The following XIRP2 variants were observed in gnomAD, a reference collection of about 807,000 sequenced individuals.
XIRP2 encodes the protein xin actin binding repeat containing 2, also known as xin actin-binding repeat-containing protein 2.
In XIRP2, 236 loss-of-function variants were observed where a neutral mutation model predicts 277.0. The observed-to-expected ratio is 0.85, with a 90% CI of 0.77 to 0.95. XIRP2 has a LOEUF of 0.95. Among genes scored for constraint, XIRP2 ranks in the 40% least tolerant of loss-of-function variants. The pLI, the probability that XIRP2 is intolerant of heterozygous loss-of-function variation, is 0.00. For missense variants in XIRP2, 4,640 were observed against 4,157.5 expected (o/e 1.12, Z -3.19); for synonymous variants, 1,490 against 1,416.5 (o/e 1.05, Z -1.17).
chr2:167,256,159 A>G (rs952781787), intron 10 of XIRP2, among the ~76,000 whole-genome samples: 3 of 151,554 alleles, frequency 2.0e-5, no homozygotes, highest in African/African-American at 7.3e-5. Flanking sequence ...GCTTTTTTGT[A>G]TCAAGAAAGT....
chr2:166,944,047 G>C (rs1032804441), intron 2 of XIRP2, among the ~76,000 whole-genome samples: 9 of 152,174 alleles, frequency 5.9e-5, no homozygotes, highest in Admixed American at 6.6e-5. Context: ...TTGACCCTCT[G>C]AATTGTTTCC....
rs765756165 is a variant in XIRP2 at position 167,245,812 on chromosome 2, A to G, written c.4420A>G (p.Ile1474Val). 4 of 1,613,648 alleles carry G rather than the reference A, an allele frequency of 2.5e-6. No individual in the cohort carries two copies. The African/African-American group carries it at 4.0e-5, about 16-fold the overall frequency. Reference sequence around the variant, plus strand: ...AGGAGAAGGGTTAGAATATGAAAATATCAAGACAGTCACTCAGGAAGATGT... The same window carrying G: ...AGGAGAAGGGTTAGAATATGAAAATGTCAAGACAGTCACTCAGGAAGATGT... ...LRGEGLEYEN[I>V]KTVTQEDVQK... Residue 1474 changes from isoleucine to valine, a missense_variant, in exon 9 of 11, where the codon ATC (isoleucine) becomes GTC (valine). Coordinates refer to ENST00000409195, the MANE Select transcript of XIRP2 (RefSeq NM_152381.6).
chr2:167,128,144 A>G (rs1691263801), intron 2 of XIRP2, among the ~76,000 whole-genome samples: 1 of 152,178 alleles, frequency 6.6e-6, no homozygotes, highest in African/African-American at 2.4e-5. Context: ...CTCCCTCACT[A>G]CTTTTATCCT....
At chr2:166,926,937 A>G (rs1326664146) in intron 2 of XIRP2, among the ~76,000 whole-genome samples, 1 of 152,110 alleles carries the variant, frequency 6.6e-6, no homozygotes, top group Admixed American at 6.6e-5. Context: ...GCTTATTTTA[A>G]ATAGTCAACT....
At chr2:166,950,651 A>G (rs922135788) in intron 2 of XIRP2, among the ~76,000 whole-genome samples, 2 of 152,102 alleles carry the variant, frequency 1.3e-5, no homozygotes, top group African/African-American at 2.4e-5. Context: ...ACTGCCCTTC[A>G]CTGAATTTCA....
intron 2 of XIRP2, among the ~76,000 whole-genome samples, chr2:166,977,556 T>A (rs80284066): frequency 0.034 from 5,109 of 152,300 alleles, 108 homozygotes; most frequent in East Asian, 0.079. Context: ...ACCCTTCAGT[T>A]CACTTTATAT....
chr2:167,011,594 G>A (rs1186214635), intron 2 of XIRP2, among the ~76,000 whole-genome samples: 1 of 152,036 alleles, frequency 6.6e-6, no homozygotes, highest in Non-Finnish European at 1.5e-5. Flanking sequence ...CATAACATGA[G>A]TTAGGGAGGA....
intron 3 of XIRP2, among the ~76,000 whole-genome samples, chr2:167,155,855 C>G (rs1369707497): frequency 3.3e-5 from 5 of 151,740 alleles, no homozygotes; most frequent in South Asian, 2.1e-4. Flanking sequence ...ACCCCATTGT[C>G]TCAGCCCAAA....
Position 166,945,329 on chromosome 2 carries a change from A to G in XIRP2, c.408+41439A>G, listed in dbSNP as rs565185589. Among the ~76,000 whole-genome samples the G allele has an allele frequency of 1.4e-4, 22 of 152,204 alleles. No individual in the cohort carries two copies. In the South Asian group the frequency reaches 4.1e-3, roughly 29 times the overall value. ...TGTTAAAGCATAAAAATAGGAGTGT[A>G]TGTCTTACAGGAATCTCCAAATCCG... On this transcript the variant is annotated intron_variant, in intron 2 of 10. Coordinates refer to ENST00000409195, the MANE Select transcript of XIRP2 (RefSeq NM_152381.6).
In XIRP2 at chr2:167,250,592, G is replaced by C. The variant is rs1460426414; in HGVS notation, c.9200G>C (p.Ser3067Thr). The C allele has an allele frequency of 5.0e-6, 8 of 1,613,412 alleles. No homozygotes were observed. The East Asian group carries it at 1.8e-4, about 36-fold the overall frequency. ...GTTCATGTCAGCAATAATAAAAATA[G>C]TGAACAGAAAGAAAATAAAATTGCC... ...SNVHVSNNKN[S>T]EQKENKIAKE... is the part of the protein sequence containing the mutation. Residue 3067 changes from serine (S) to threonine (T), a missense_variant, in exon 9 of 11, where the codon AGT becomes ACT. Transcript: ENST00000409195.
At chr2:167,143,425 A>G (rs150812273) in intron 3 of XIRP2, among the ~76,000 whole-genome samples, 42 of 152,212 alleles carry the variant, frequency 2.8e-4, no homozygotes, top group South Asian at 2.7e-3. Flanking sequence ...CATGTGTGAG[A>G]AGGAGGGATA....
In XIRP2 at chr2:167,248,449, G is replaced by C. The variant is rs373342161; in HGVS notation, c.7057G>C (p.Glu2353Gln). The C allele has an allele frequency of 3.7e-6, 6 of 1,613,444 alleles. No individual in the cohort carries two copies. The African/African-American group carries it at 8.0e-5, about 22-fold the overall frequency. Reference sequence around the variant, plus strand: ...CCCTCTTCCTCCACCTCCAGTAGATGAGAAATCTGAAAGAGAAAGTTCATC... The same window carrying C: ...CCCTCTTCCTCCACCTCCAGTAGATCAGAAATCTGAAAGAGAAAGTTCATC... ...GLPLPPPPVD[E>Q]KSERESSSMF... Residue 2353 changes from glutamate to glutamine, a missense_variant, in exon 9 of 11, where the codon GAG becomes CAG. By Grantham distance (29) the Glu-to-Gln change is conservative (BLOSUM62 2). Transcript: ENST00000409195.
intron 2 of XIRP2, among the ~76,000 whole-genome samples, chr2:166,932,317 A>C (rs1474674739): frequency 6.6e-6 from 1 of 151,784 alleles, no homozygotes; most frequent in East Asian, 1.9e-4. Flanking sequence ...CCAGGGCTCA[A>C]GCAGTCCTCC....
intron 5 of XIRP2, among the ~76,000 whole-genome samples, chr2:167,220,229 G>A (rs974275362): frequency 2.0e-5 from 3 of 151,694 alleles, no homozygotes; most frequent in African/African-American, 4.8e-5. Flanking sequence ...TATCATTGAT[G>A]TAGGGGCTTA....
At chr2:167,149,879 A>G (rs542600415) in intron 3 of XIRP2, among the ~76,000 whole-genome samples, 17 of 152,234 alleles carry the variant, frequency 1.1e-4, no homozygotes, top group Non-Finnish European at 1.6e-4. Context: ...CCCACAACAT[A>G]TTAATATCCA....
At chr2:167,196,976 TA>T (rs1693539075) in intron 3 of XIRP2, among the ~76,000 whole-genome samples, 1 of 152,194 alleles carries the variant, frequency 6.6e-6, no homozygotes, top group Non-Finnish European at 1.5e-5. Flanking sequence ...TTTTTAGCCA[TA>T]ACGTTTCTCA....
intron 3 of XIRP2, among the ~76,000 whole-genome samples, chr2:167,145,209 C>G (rs1443817218): frequency 6.6e-6 from 1 of 151,886 alleles, no homozygotes; most frequent in African/African-American, 2.4e-5. Context: ...CCACTATAGC[C>G]CTTCATTTCT....
At chr2:167,166,571 C>G (rs1260041913) in intron 3 of XIRP2, among the ~76,000 whole-genome samples, 1 of 152,122 alleles carries the variant, frequency 6.6e-6, no homozygotes, top group Non-Finnish European at 1.5e-5. Flanking sequence ...GGGCTTGCAC[C>G]TGCTTCTGGT....
rs568455631 is a variant in XIRP2, at chr2:166,979,370, T to TTTTCTTTTC, written c.408+75483_408+75484insCTTTTCTTT. Reference sequence around the variant, plus strand: ...TTTTCTTTTCTTTTCTTTTCTTTTCTTTTTTTTTTTTTTTTTTGCTTCAGT... The same window carrying TTTTCTTTTC: ...TTTTCTTTTCTTTTCTTTTCTTTTCTTTTCTTTTCTTTTTTTTTTTTTTTTTGCTTCAGT... On this transcript the variant is annotated intron_variant, in intron 2 of 10. Coordinates refer to ENST00000409195, the MANE Select transcript of XIRP2 (RefSeq NM_152381.6). Among the ~76,000 whole-genome samples, 23 of 55,130 alleles carry TTTTCTTTTC rather than the reference T, an allele frequency of 4.2e-4. No homozygotes were observed. The South Asian group carries it at 5.5e-3, about 13-fold the overall frequency. The allele number at this position is 55,130 out of a possible 152,430, so 36.2% of individuals were successfully genotyped here. A position where few individuals can be genotyped will look rare whatever the true frequency, so the allele number is the denominator to read the frequency against.
Sources: gnomAD v4.1 joint callset for allele counts (sites outside exome capture counted in the v4.1 genomes callset) on GRCh38, gnomAD v4.1.1 for gene constraint, MANE v1.5 for transcripts, NCBI Gene and HGNC (gene_info 2026-07-23, HGNC 2026-07-21) for gene names.